SYVN1: variants seen among roughly 807,000 people sequenced by gnomAD.
SYVN1 encodes synoviolin 1.
In SYVN1, 17 loss-of-function variants were observed where a neutral mutation model predicts 62.6. That is an observed-to-expected ratio of 0.27 (90% CI 0.19 to 0.41). SYVN1 has a LOEUF of 0.41. SYVN1 is among the 10% of genes least tolerant of loss of function. The pLI is 1.00. For synonymous variants in SYVN1, 316 were observed against 304.0 expected, an observed-to-expected ratio of 1.04 and a Z score of -0.41; for missense variants, 634 against 818.0, an observed-to-expected ratio of 0.78 and a Z score of 2.74.
In SYVN1 at chr11:65,132,491, C is replaced by T. The variant is rs528154058; in HGVS notation, c.428-140G>A. ...GGTGGGCACACTCCACTGAACCTGG[C>T]CCTCTGGGAACTTCCTGGGGGAGGG... is the stretch of plus-strand genomic sequence containing the variant. On this transcript the variant is annotated intron_variant, in intron 5 of 15. Coordinates refer to ENST00000377190, the MANE Select transcript of SYVN1 (RefSeq NM_172230.3). 18 of 760,018 alleles carry T rather than the reference C, an allele frequency of 2.4e-5. No homozygotes were observed. In the African/African-American group the frequency reaches 2.6e-4, roughly 11 times the overall value. 47.1% of individuals were successfully genotyped at this position (760,018 alleles called of 1,614,324 possible).
At position 65,131,194 on chromosome 11, in the gene SYVN1, C is replaced by G; in HGVS notation, c.762G>C (p.Gln254His). 3.7e-6 allele frequency: 6 copies of G among 1,614,198 alleles called. No individual in the cohort carries two copies. The highest frequency in any genetic ancestry group is 5.1e-6 in the Non-Finnish European group (6 of 1,180,022). Residue 254 changes from glutamine (Q) to histidine (H), a missense_variant, in exon 9 of 16, where the codon CAG becomes CAC. By Grantham distance (24) the Gln-to-His change is conservative. This residue lies in a region of SYVN1 where 283 missense variants were observed against 444.7 expected (regional missense o/e 0.64). Coordinates refer to ENST00000377190, the MANE Select transcript of SYVN1 (RefSeq NM_172230.3). The part of the protein sequence containing the change: ...AIRPMYLAMR[Q>H]FKKAVTDAIM... The stretch of plus-strand genomic sequence containing the variant: ...TGGCATCTGTCACAGCTTTCTTGAA[C>G]TGTCTGAAAGGACAGTCAGTGAAAG...
chr11:65,134,141 CT>C lies in SYVN1; in HGVS notation c.-18+314del, dbSNP rs1202900406. On this transcript the variant is annotated intron_variant, in intron 1 of 15. Transcript: ENST00000377190. ...GGGCGGGGAACGTCAGCCTGGAATC[CT>C]GGGGTCCCCCGACCCCCGGAGTAGT... is the stretch of plus-strand genomic sequence containing the variant. 3 of 153,778 alleles carry C rather than the reference CT, an allele frequency of 2.0e-5. No individual in the cohort carries two copies. In the Admixed American group the frequency reaches 2.0e-4, roughly 10 times the overall value. 9.5% of individuals were successfully genotyped at this position (153,778 alleles called of 1,614,324 possible).
intron 4 of SYVN1, 71 bp from the exon 5 acceptor site, chr11:65,132,851 C>T: frequency 6.2e-7 from 1 of 1,613,398 alleles, no homozygotes; most frequent in African/African-American, 1.3e-5. Context: ...CTAGCCCTCC[C>T]TGCTCCTTAA....
At chr11:65,129,484 T>C in intron 14 of SYVN1, 1 of 445,280 alleles carries the variant, frequency 2.2e-6, no homozygotes. Context: ...TAGAAAAATA[T>C]AAAGGAATAA....
At chr11:65,133,863 G>C (rs753686633) in intron 1 of SYVN1, among the ~76,000 whole-genome samples, 7 of 152,230 alleles carry the variant, frequency 4.6e-5, no homozygotes, top group Non-Finnish European at 1.0e-4. Context: ...CTCTTTCCAC[G>C]CTGCCTGCCA....
chr11:65,133,873 A>C (rs1352190551), intron 1 of SYVN1, among the ~76,000 whole-genome samples: 2 of 152,244 alleles, frequency 1.3e-5, no homozygotes, highest in African/African-American at 4.8e-5. Context: ...GCTGCCTGCC[A>C]AGCCGCCTCC....
chr11:65,130,329 G>GC lies in SYVN1; in HGVS notation c.1155dup (p.Pro386AlafsTer111). The GC allele has an allele frequency of 1.3e-6, 2 of 1,576,018 alleles. No homozygotes were observed. On this transcript the variant is annotated frameshift_variant, in exon 12 of 16. Coordinates refer to ENST00000377190, the MANE Select transcript of SYVN1 (RefSeq NM_172230.3). LOFTEE classifies it high-confidence loss of function. ...ACAGGTGGAAAGGGGCCCATGGGGG[G>GC]CCACAGTGGGAACATGCCTGGAGGA...
In SYVN1 at chr11:65,128,483, CAG is replaced by C; in HGVS notation, c.1751_1752del (p.Pro584ArgfsTer10). The C allele has an allele frequency of 6.2e-7, 1 of 1,613,916 alleles. No individual in the cohort carries two copies. Among genetic ancestry groups the C allele is most frequent in the Non-Finnish European group, 8.5e-7 (1 of 1,179,906 alleles). On this transcript the variant is annotated frameshift_variant, in exon 16 of 16. Coordinates refer to ENST00000377190, the MANE Select transcript of SYVN1 (RefSeq NM_172230.3). LOFTEE classifies it high-confidence loss of function. Reference protein sequence around the residue: ...PAPEMERPPAPESVGTEEMPE... With the variant: ...PAPEMERPPAXESVGTEEMPE... ...GGCATCTCCTCTGTGCCCACTGACTCAGGAGCTGGGGACAGAGAGACTGGAAG... is the reference window on the plus strand; with the variant it reads ...GGCATCTCCTCTGTGCCCACTGACTCGAGCTGGGGACAGAGAGACTGGAAG...
Position 65,131,183 on chromosome 11 carries a change from G to C in SYVN1, c.773C>G (p.Ala258Gly). 6.2e-7 allele frequency: 1 copy of C among 1,614,198 alleles called. No homozygotes were observed. Among genetic ancestry groups the C allele is most frequent in the Non-Finnish European group, 8.5e-7 (1 of 1,180,020 alleles). The change falls in exon 9 of 16, where the codon GCT (alanine) becomes GGT (glycine). Residue 258 changes from alanine (A) to glycine (G), a missense_variant. This residue lies in a region of SYVN1 where 283 missense variants were observed against 444.7 expected (regional missense o/e 0.64). Transcript: ENST00000377190. ...MYLAMRQFKKAVTDAIMSRRA... is the reference protein window; with the variant it reads ...MYLAMRQFKKGVTDAIMSRRA... ...GCGAGACATGATGGCATCTGTCACA[G>C]CTTTCTTGAACTGTCTGAAAGGACA... is the stretch of plus-strand genomic sequence containing the variant.
intron 14 of SYVN1, 104 bp from the exon 15 acceptor site, chr11:65,128,818 G>A (rs1948137943): frequency 2.4e-6 from 3 of 1,231,568 alleles, no homozygotes; most frequent in Non-Finnish European, 3.3e-6. Context: ...AGAATGATGT[G>A]CCCTTGTGGC....
chr11:65,130,198 G>C, intron 12 of SYVN1, 23 bp from the exon 13 acceptor site: 1 of 1,608,328 alleles, frequency 6.2e-7, no homozygotes, highest in Non-Finnish European at 8.5e-7. Flanking sequence ...AACGAAGTCA[G>C]TGAGTGTTCC....
In SYVN1 at chr11:65,130,933, TGTG is replaced by T; in HGVS notation, c.925_927del (p.His309del). The T allele has an allele frequency of 1.2e-6, 2 of 1,613,692 alleles. No individual in the cohort carries two copies. Among genetic ancestry groups the T allele is most frequent in the Non-Finnish European group, 1.7e-6 (2 of 1,179,952 alleles). ...GGCCCCTCCCACCTGGTATGGAAAA[TGTG>T]GTTGCAGGGCAGTCTCTTGGCACCA... On this transcript the variant is annotated inframe_deletion, in exon 10 of 16. Coordinates refer to ENST00000377190, the MANE Select transcript of SYVN1 (RefSeq NM_172230.3).
At position 65,133,632 on chromosome 11, in the gene SYVN1, G is replaced by A. The variant is rs554775630; in HGVS notation, c.-17-14C>T. 1.1e-4 allele frequency: 181 copies of A among 1,599,944 alleles called. 3 individuals are homozygous for A. The South Asian group carries it at 1.9e-3, about 17-fold the overall frequency. On this transcript the variant is annotated splice_polypyrimidine_tract_variant and intron_variant, in intron 1 of 15. Transcript: ENST00000377190. Reference sequence around the variant, plus strand: ...TGGCCCGGAGACCTGCATGGGGCAAGAAAATAACTTATGTGATGCTCGTGC... The same window carrying A: ...TGGCCCGGAGACCTGCATGGGGCAAAAAAATAACTTATGTGATGCTCGTGC...
At chr11:65,134,158 C>G (rs1590829554) in intron 1 of SYVN1, 1 of 153,344 alleles carries the variant, frequency 6.5e-6, no homozygotes, top group South Asian at 1.8e-4. Context: ...CCCCCGACCC[C>G]CGGAGTAGTG....
Position 65,133,146 on chromosome 11 carries a change from A to G in SYVN1, c.225+14T>C. ...AGCACCCTGCCCTCACCTTTGGGGC[A>G]GCCGACATCTTACCTCCATCTCTGC... On this transcript the variant is annotated intron_variant, in intron 3 of 15. Coordinates refer to ENST00000377190, the MANE Select transcript of SYVN1 (RefSeq NM_172230.3). The G allele has an allele frequency of 6.2e-7, 1 of 1,614,214 alleles. No homozygotes were observed. Among genetic ancestry groups the G allele is most frequent in the Admixed American group, 1.7e-5 (1 of 60,022 alleles).
chr11:65,128,861 G>T, intron 14 of SYVN1, 147 bp from the exon 15 acceptor site: 1 of 823,840 alleles, frequency 1.2e-6, no homozygotes, highest in Non-Finnish European at 1.9e-6. Context: ...TGAACATGCT[G>T]AATGAACTCA....
intron 5 of SYVN1, 29 bp from the exon 6 acceptor site, chr11:65,132,380 G>A (rs767391884): frequency 6.7e-7 from 1 of 1,500,826 alleles, no homozygotes; most frequent in Non-Finnish European, 9.3e-7. Context: ...ATGCAGGGTG[G>A]GGGGGTCAGC....
In SYVN1 at chr11:65,132,366, A is replaced by G. The variant is rs1347241198; in HGVS notation, c.428-15T>C. ...GAACATAAGAGCTGTGGGGACCCCCACACATGCAGGGTGGGGGGGTCAGCC... is the reference window on the plus strand; with the variant it reads ...GAACATAAGAGCTGTGGGGACCCCCGCACATGCAGGGTGGGGGGGTCAGCC... On this transcript the variant is annotated splice_polypyrimidine_tract_variant and intron_variant, in intron 5 of 15. Transcript: ENST00000377190. 1.3e-6 allele frequency: 2 copies of G among 1,575,854 alleles called. No homozygotes were observed. Among genetic ancestry groups the G allele is most frequent in the East Asian group, 2.2e-5 (1 of 44,646 alleles).
chr11:65,130,419 A>T (rs1948162601), intron 11 of SYVN1, 40 bp from the exon 12 acceptor site: 2 of 1,505,462 alleles, frequency 1.3e-6, no homozygotes, highest in Middle Eastern at 1.8e-4. Context: ...GGCCAAATGG[A>T]CACAGACCCA....
Sources: allele counts gnomAD v4.1 joint callset (sites outside exome capture counted in the v4.1 genomes callset), GRCh38; gene constraint gnomAD v4.1.1; regional missense constraint gnomAD v4.1.1; transcripts MANE v1.5; gene names NCBI Gene and HGNC (gene_info 2026-07-23, HGNC 2026-07-21).